UGGT2: variants seen among roughly 807,000 people sequenced by gnomAD.
UGGT2 encodes UDP-glucose:glycoprotein glucosyltransferase 2.
UGGT2 carries 180 observed loss-of-function variants against 192.1 expected under a neutral mutation model. The ratio of observed to expected loss-of-function variants is 0.94; its 90% CI spans 0.83 to 1.06. The LOEUF is 1.06. Among genes scored for constraint, UGGT2 ranks in the 50% least tolerant of loss-of-function variants. UGGT2 has a pLI of 0.00. For missense variants in UGGT2, 1,849 were observed against 1,795.7 expected, an observed-to-expected ratio of 1.03 and a Z score of -0.54; for synonymous variants, 580 against 591.0, an observed-to-expected ratio of 0.98 and a Z score of 0.27.
intron 15 of UGGT2, among the ~76,000 whole-genome samples, chr13:95,941,279 T>C (rs933123867): frequency 3.3e-5 from 5 of 152,222 alleles, no homozygotes; most frequent in Non-Finnish European, 5.9e-5. Context: ...ATAATCTTCA[T>C]ATTGTGGCTA....
intron 33 of UGGT2, 24 bp downstream of exon 33, chr13:95,859,566 TC>T (rs1242574979): frequency 1.8e-5 from 27 of 1,535,154 alleles, no homozygotes; most frequent in Non-Finnish European, 2.2e-5. Flanking sequence ...CATTAACCAT[TC>T]TACAAAAAAA....
At chr13:96,037,302 A>G (rs1226128249) in intron 1 of UGGT2, among the ~76,000 whole-genome samples, 1 of 152,142 alleles carries the variant, frequency 6.6e-6, no homozygotes, top group East Asian at 1.9e-4. Flanking sequence ...TGGTTCAAAC[A>G]ATTCTCCTGC....
At chr13:95,804,510 AGAAT>A (rs372165099) in intron 38 of UGGT2, among the ~76,000 whole-genome samples, 52 of 152,334 alleles carry the variant, frequency 3.4e-4, no homozygotes, top group African/African-American at 1.2e-3. Context: ...ATTGTGAAAA[AGAAT>A]GAAGTTGGCA....
intron 38 of UGGT2, among the ~76,000 whole-genome samples, chr13:95,824,253 G>C (rs1885789509): frequency 6.6e-6 from 1 of 152,072 alleles, no homozygotes; most frequent in Non-Finnish European, 1.5e-5. Flanking sequence ...TTAGATACCT[G>C]ACAACTGTGT....
chr13:95,869,266 T>C (rs886564117), intron 29 of UGGT2, among the ~76,000 whole-genome samples: 1 of 152,126 alleles, frequency 6.6e-6, no homozygotes, highest in African/African-American at 2.4e-5. Context: ...ATGTGCCACA[T>C]TTTCTTAATC....
At chr13:96,016,544 C>A (rs1231397173) in intron 4 of UGGT2, among the ~76,000 whole-genome samples, 1 of 152,156 alleles carries the variant, frequency 6.6e-6, no homozygotes, top group Non-Finnish European at 1.5e-5. Context: ...AGCCATAAGC[C>A]CTGGCAGTTT....
intron 10 of UGGT2, among the ~76,000 whole-genome samples, chr13:95,976,498 C>T (rs2050941660): frequency 6.6e-6 from 1 of 152,056 alleles, no homozygotes; most frequent in Non-Finnish European, 1.5e-5. Context: ...AACCTCTATA[C>T]TACTGTTTTC....
At chr13:96,021,449 A>G (rs2052513267) in intron 4 of UGGT2, among the ~76,000 whole-genome samples, 1 of 152,222 alleles carries the variant, frequency 6.6e-6, no homozygotes, top group African/African-American at 2.4e-5. Flanking sequence ...CCATAAAGGA[A>G]TAGATAATTC....
At chr13:95,972,789 A>T in intron 10 of UGGT2, 118 bp from the exon 11 acceptor site, 1 of 697,242 alleles carries the variant, frequency 1.4e-6, no homozygotes, top group Non-Finnish European at 2.4e-6. Flanking sequence ...TTGGCAGGCC[A>T]TACAGTCTCT....
intron 29 of UGGT2, among the ~76,000 whole-genome samples, chr13:95,871,727 T>C (rs1286872557): frequency 6.6e-6 from 1 of 152,164 alleles, no homozygotes; most frequent in African/African-American, 2.4e-5. Flanking sequence ...AGGAGAGCGA[T>C]TTGGTTTTGT....
intron 36 of UGGT2, among the ~76,000 whole-genome samples, chr13:95,849,926 GTT>G (rs11340987): frequency 4.9e-5 from 7 of 143,708 alleles, no homozygotes; most frequent in Non-Finnish European, 7.6e-5. Flanking sequence ...ACTGTTTTTT[GTT>G]TTTTTTTTTG....
At chr13:95,985,189 G>T (rs1163931395) in intron 9 of UGGT2, 2 of 842,260 alleles carry the variant, frequency 2.4e-6, no homozygotes, top group Non-Finnish European at 1.6e-6. Flanking sequence ...TTTTTATAAC[G>T]GCCATTAATT....
intron 15 of UGGT2, 65 bp downstream of exon 15, chr13:95,946,972 A>C: frequency 7.1e-7 from 1 of 1,413,846 alleles, no homozygotes; most frequent in Non-Finnish European, 9.4e-7. Context: ...ATTCTAAAGA[A>C]ATCATAATAT....
chr13:96,049,800 C>G (rs1193085632), intron 1 of UGGT2, among the ~76,000 whole-genome samples: 2 of 152,102 alleles, frequency 1.3e-5, no homozygotes, highest in African/African-American at 2.4e-5. Flanking sequence ...TCAAAGAGAA[C>G]TACAAACCAC....
chr13:96,022,460 G>A (rs2052541788), intron 4 of UGGT2, among the ~76,000 whole-genome samples: 1 of 151,806 alleles, frequency 6.6e-6, no homozygotes, highest in African/African-American at 2.4e-5. Flanking sequence ...TTGTTAACAA[G>A]TGAGTTAAGT....
intron 36 of UGGT2, among the ~76,000 whole-genome samples, chr13:95,842,438 A>T (rs1887965888): frequency 6.6e-6 from 1 of 152,188 alleles, no homozygotes; most frequent in South Asian, 2.1e-4. Context: ...GTAGTATTAC[A>T]TTCTATGAAT....
At chr13:95,820,358 T>C (rs142243097) in intron 38 of UGGT2, among the ~76,000 whole-genome samples, 169 of 152,238 alleles carry the variant, frequency 1.1e-3, no homozygotes, top group African/African-American at 4.0e-3. Context: ...AAAAGCCCCA[T>C]GTCCCACTGC....
At chr13:95,808,883 T>C (rs1227701958) in intron 38 of UGGT2, among the ~76,000 whole-genome samples, 1 of 152,232 alleles carries the variant, frequency 6.6e-6, no homozygotes, top group African/African-American at 2.4e-5. Flanking sequence ...GGAGTGGTTT[T>C]CTTTAGGAAA....
At chr13:95,822,339 G>T (rs1399528474) in intron 38 of UGGT2, among the ~76,000 whole-genome samples, 1 of 152,052 alleles carries the variant, frequency 6.6e-6, no homozygotes, top group Non-Finnish European at 1.5e-5. Context: ...TTGTGTCTTA[G>T]CTTGGTCATC....
Sources: allele counts gnomAD v4.1 joint callset (sites outside exome capture counted in the v4.1 genomes callset), GRCh38; gene constraint gnomAD v4.1.1; transcripts MANE v1.5; gene names NCBI Gene and HGNC (gene_info 2026-07-23, HGNC 2026-07-21).